Variants in KLF12 observed in about 807,000 individuals in gnomAD.
KLF12 encodes KLF transcription factor 12, also known as Krueppel-like factor 12.
A neutral mutation model predicts 37.8 loss-of-function variants in KLF12; 9 were observed. The observed-to-expected ratio is 0.24, with a 90% CI of 0.14 to 0.42. KLF12 has a LOEUF of 0.42. Ranked by LOEUF, KLF12 falls within the 10% of genes least tolerant of loss-of-function variation. The pLI, the probability that KLF12 is intolerant of heterozygous loss-of-function variation, is 1.00. For synonymous variants in KLF12, 208 were observed against 202.1 expected (o/e 1.03, Z -0.25); for missense variants, 411 against 516.0 (o/e 0.80, Z 1.97).
intron 1 of KLF12, among the ~76,000 whole-genome samples, chr13:74,130,733 T>C (rs1878215792): frequency 6.6e-6 from 1 of 152,174 alleles, no homozygotes; most frequent in South Asian, 2.1e-4. Flanking sequence ...TTAGCTCATG[T>C]TCATTAATCA....
At chr13:73,845,503 C>A (rs951402153) in intron 4 of KLF12, among the ~76,000 whole-genome samples, 1 of 152,150 alleles carries the variant, frequency 6.6e-6, no homozygotes, top group African/African-American at 2.4e-5. Context: ...TTATGTTCAC[C>A]ATAGATTGCC....
At position 73,915,946 on chromosome 13, in the gene KLF12, C is replaced by T. The variant is rs535392447; in HGVS notation, c.123+28035G>A. ...CTAAAAACTCAGCTCTCCACAAAGA[C>T]TTGAGAAGGAAACTTGAGAAATCTC... On this transcript the variant is annotated intron_variant, in intron 3 of 7. Coordinates refer to ENST00000377669, the MANE Select transcript of KLF12 (RefSeq NM_007249.5). 3.3e-5 allele frequency among the ~76,000 whole-genome samples: 5 copies of T among 152,128 alleles called. No individual in the cohort carries two copies. In the South Asian group the frequency reaches 1.0e-3, roughly 32 times the overall value.
the KLF12 span, among the ~76,000 whole-genome samples, chr13:74,249,125 G>A: frequency 2.0e-5 from 3 of 151,970 alleles, no homozygotes. Flanking sequence ...GTGTGATAAT[G>A]CTAGTTGCTT....
chr13:73,975,616 G>C (rs749816670), intron 2 of KLF12, among the ~76,000 whole-genome samples: 1 of 151,954 alleles, frequency 6.6e-6, no homozygotes. Context: ...ATTTCTTTCC[G>C]AAAGCTCCTC....
the KLF12 span, among the ~76,000 whole-genome samples, chr13:74,211,511 A>G: frequency 6.6e-6 from 1 of 152,190 alleles, no homozygotes; most frequent in Admixed American, 6.5e-5. Flanking sequence ...TTGCTAAAGG[A>G]AATCAAGCAG....
At chr13:73,830,133 C>T (rs1397390821) in intron 4 of KLF12, among the ~76,000 whole-genome samples, 1 of 152,158 alleles carries the variant, frequency 6.6e-6, no homozygotes, top group Non-Finnish European at 1.5e-5. Context: ...GGAGGTTATA[C>T]TATCTTGATT....
chr13:74,005,661 C>A (rs1345651765), intron 1 of KLF12, among the ~76,000 whole-genome samples: 1 of 152,162 alleles, frequency 6.6e-6, no homozygotes, highest in Non-Finnish European at 1.5e-5. Context: ...ACACATGACT[C>A]TGTTCAACTT....
At chr13:73,784,077 CTT>C (rs1881151006) in intron 5 of KLF12, among the ~76,000 whole-genome samples, 1 of 152,146 alleles carries the variant, frequency 6.6e-6, no homozygotes. Flanking sequence ...TATTAAGACT[CTT>C]TCCCTGGCCC....
the KLF12 span, among the ~76,000 whole-genome samples, chr13:74,270,684 A>C: frequency 6.6e-6 from 1 of 152,174 alleles, no homozygotes; most frequent in Admixed American, 6.5e-5. Flanking sequence ...TCTGTAAGCA[A>C]ATTATTGAGT....
the KLF12 span, among the ~76,000 whole-genome samples, chr13:74,141,538 C>A: frequency 6.6e-6 from 1 of 152,166 alleles, no homozygotes; most frequent in Non-Finnish European, 1.5e-5. Context: ...TTTTGTCCAT[C>A]CCTTGCAGTG....
At chr13:73,878,866 TG>T (rs1886838989) in intron 3 of KLF12, among the ~76,000 whole-genome samples, 1 of 151,928 alleles carries the variant, frequency 6.6e-6, no homozygotes, top group African/African-American at 2.4e-5. Flanking sequence ...AGGGGAGGTG[TG>T]GCAGGAAACA....
intron 3 of KLF12, among the ~76,000 whole-genome samples, chr13:73,942,939 C>G (rs1357762154): frequency 6.6e-6 from 1 of 152,122 alleles, no homozygotes; most frequent in Non-Finnish European, 1.5e-5. Flanking sequence ...TTGAAGAGAC[C>G]CTCTAAATAC....
At chr13:74,243,187 T>C in the KLF12 span, among the ~76,000 whole-genome samples, 3 of 152,144 alleles carry the variant, frequency 2.0e-5, no homozygotes, top group Admixed American at 6.5e-5. Context: ...CTCCCACTTA[T>C]GAGTGAGAAC....
rs117252448 is a variant in KLF12 at position 73,796,749 on chromosome 13, C to G, written c.806+16403G>C. On this transcript the variant is annotated intron_variant, in intron 5 of 7. Coordinates refer to ENST00000377669, the MANE Select transcript of KLF12 (RefSeq NM_007249.5). ...TAAGAGAAATAAAAACATATGTCCA[C>G]AGAAAAGTTGCACACACAGACCTTC... 6.0e-4 allele frequency among the ~76,000 whole-genome samples: 91 copies of G among 152,234 alleles called. 1 individual carries two copies. The East Asian group carries it at 0.017, about 28-fold the overall frequency.
At chr13:73,960,215 C>T (rs1345388531) in intron 2 of KLF12, among the ~76,000 whole-genome samples, 1 of 152,052 alleles carries the variant, frequency 6.6e-6, no homozygotes, top group Admixed American at 6.6e-5. Flanking sequence ...AAATATGTAG[C>T]TCTTTGTCTT....
intron 3 of KLF12, among the ~76,000 whole-genome samples, chr13:73,924,182 T>C (rs970430085): frequency 6.6e-6 from 1 of 152,232 alleles, no homozygotes; most frequent in Admixed American, 6.5e-5. Flanking sequence ...ACGAAGTATA[T>C]TATCCTAAAA....
the KLF12 span, among the ~76,000 whole-genome samples, chr13:74,171,809 A>G: frequency 6.6e-6 from 1 of 152,210 alleles, no homozygotes; most frequent in Non-Finnish European, 1.5e-5. Flanking sequence ...CATGTAAGCC[A>G]CCCACATCTG....
At chr13:74,200,334 C>T in the KLF12 span, among the ~76,000 whole-genome samples, 3 of 152,004 alleles carry the variant, frequency 2.0e-5, no homozygotes, top group Non-Finnish European at 2.9e-5. Context: ...TGTTTATTGG[C>T]AGTAGAACTG....
upstream of KLF12, among the ~76,000 whole-genome samples, chr13:74,134,910 C>G (rs1417977069): frequency 1.3e-5 from 2 of 151,932 alleles, no homozygotes; most frequent in Non-Finnish European, 2.9e-5. Flanking sequence ...GCGGCTCGCC[C>G]GCCAGCGAAC....
Sources: allele counts gnomAD v4.1 joint callset (sites outside exome capture counted in the v4.1 genomes callset), GRCh38; gene constraint gnomAD v4.1.1; transcripts MANE v1.5; gene names NCBI Gene and HGNC (gene_info 2026-07-23, HGNC 2026-07-21).